ZFP1: variants seen among roughly 807,000 people sequenced by gnomAD.
The protein encoded by ZFP1 is ZFP1 zinc finger protein.
In ZFP1, 32 loss-of-function variants were observed where a neutral mutation model predicts 38.5. The ratio of observed to expected loss-of-function variants is 0.83; its 90% CI spans 0.63 to 1.12. ZFP1 has a LOEUF of 1.12. Among genes scored for constraint, ZFP1 ranks in the 50% most tolerant of loss-of-function variants. The probability of loss-of-function intolerance (pLI) is 0.00; values close to 1 mark genes in which losing one functional copy is unlikely to be tolerated. For synonymous variants in ZFP1, 245 were observed against 168.8 expected (o/e 1.45, Z -3.50); for missense variants, 616 against 480.8 (o/e 1.28, Z -2.63).
chr16:75,162,743 A>G lies in ZFP1; in HGVS notation c.16-4027A>G, dbSNP rs1386660601. Among the ~76,000 whole-genome samples the G allele has an allele frequency of 3.9e-5, 6 of 152,104 alleles. No homozygotes were observed. The East Asian group carries it at 7.7e-4, about 20-fold the overall frequency. ...AGTACCCAGAGTTTAGCTCCCACTTATAAGTGAGGATATGCGCTATTTGGA... is the reference window on the plus strand; with the variant it reads ...AGTACCCAGAGTTTAGCTCCCACTTGTAAGTGAGGATATGCGCTATTTGGA... On this transcript the variant is annotated intron_variant, in intron 2 of 3. Coordinates refer to ENST00000570010, the MANE Select transcript of ZFP1 (RefSeq NM_153688.4).
At chr16:75,135,452 A>G in the ZFP1 span, among the ~76,000 whole-genome samples, 5 of 152,150 alleles carry the variant, frequency 3.3e-5, no homozygotes, top group African/African-American at 4.8e-5. Context: ...AAAAGATAAA[A>G]CCATAGGGAC....
At chr16:75,136,870 C>CA in the ZFP1 span, among the ~76,000 whole-genome samples, 1 of 147,538 alleles carries the variant, frequency 6.8e-6, no homozygotes, top group South Asian at 2.1e-4. Flanking sequence ...GACCCTGTCT[C>CA]AAAAAAGAAA....
the ZFP1 span, among the ~76,000 whole-genome samples, chr16:75,123,817 T>C: frequency 1.3e-5 from 2 of 149,022 alleles, no homozygotes; most frequent in East Asian, 2.2e-4. Context: ...CCCAGCCAGG[T>C]GTGGTGGCTC....
the ZFP1 span, among the ~76,000 whole-genome samples, chr16:75,139,347 C>T: frequency 9.1e-6 from 1 of 110,080 alleles, no homozygotes. Context: ...CCAGCCTGGG[C>T]GATAGAGCGA....
the ZFP1 span, among the ~76,000 whole-genome samples, chr16:75,138,387 T>C: frequency 2.6e-5 from 4 of 151,930 alleles, no homozygotes; most frequent in Admixed American, 6.6e-5. Flanking sequence ...TTCCAAAGAG[T>C]ACAGAATAAA....
At chr16:75,132,355 C>T in the ZFP1 span, among the ~76,000 whole-genome samples, 1 of 145,770 alleles carries the variant, frequency 6.9e-6, no homozygotes, top group Non-Finnish European at 1.5e-5. Context: ...TGCCACTGAG[C>T]AACAGAGTGA....
upstream of ZFP1, among the ~76,000 whole-genome samples, chr16:75,147,642 G>A (rs2145481980): frequency 6.6e-6 from 1 of 152,178 alleles, no homozygotes; most frequent in South Asian, 2.1e-4. Flanking sequence ...CTGTTCTGGT[G>A]TGGGATATCA....
chr16:75,156,895 T>C (rs2037494388), intron 2 of ZFP1, among the ~76,000 whole-genome samples: 1 of 152,230 alleles, frequency 6.6e-6, no homozygotes, highest in East Asian at 1.9e-4. Context: ...GTTAAGAATC[T>C]GGGCCAGGCT....
chr16:75,130,513 A>G, the ZFP1 span, among the ~76,000 whole-genome samples: 1 of 151,212 alleles, frequency 6.6e-6, no homozygotes, highest in East Asian at 1.9e-4. Flanking sequence ...TATCTCTTAA[A>G]CTCCATCATT....
At chr16:75,146,463 G>A (rs531018408), upstream of ZFP1, among the ~76,000 whole-genome samples, 19 of 149,720 alleles carry the variant, frequency 1.3e-4, no homozygotes, top group East Asian at 3.6e-3. Flanking sequence ...CACTGCACCC[G>A]GCCGCAACCA....
intron 3 of ZFP1, among the ~76,000 whole-genome samples, chr16:75,168,326 A>G (rs1380726702): frequency 6.6e-6 from 1 of 152,160 alleles, no homozygotes; most frequent in Non-Finnish European, 1.5e-5. Flanking sequence ...CTTTATCCTT[A>G]AGATGCTGAA....
At chr16:75,158,555 A>G (rs1468633181) in intron 2 of ZFP1, among the ~76,000 whole-genome samples, 3 of 150,734 alleles carry the variant, frequency 2.0e-5, no homozygotes, top group Non-Finnish European at 4.4e-5. Flanking sequence ...TGCCTCCCAA[A>G]GGGCTGGGAT....
intron 3 of ZFP1, among the ~76,000 whole-genome samples, chr16:75,168,034 C>T (rs1428843090): frequency 3.3e-5 from 5 of 152,092 alleles, no homozygotes; most frequent in African/African-American, 4.8e-5. Context: ...ATACTCCAGC[C>T]TGGGCAACAG....
At chr16:75,122,267 T>G in the ZFP1 span, among the ~76,000 whole-genome samples, 9 of 152,194 alleles carry the variant, frequency 5.9e-5, no homozygotes, top group Non-Finnish European at 1.3e-4. Flanking sequence ...CAGTCTAAGC[T>G]AATTCCAATT....
the ZFP1 span, among the ~76,000 whole-genome samples, chr16:75,126,644 C>T: frequency 4.6e-5 from 7 of 152,208 alleles, no homozygotes; most frequent in African/African-American, 1.7e-4. Context: ...CTCAGGTGAT[C>T]CACCCACCTT....
intron 2 of ZFP1, among the ~76,000 whole-genome samples, chr16:75,155,686 C>G (rs770158309): frequency 1.3e-5 from 2 of 152,128 alleles, no homozygotes; most frequent in Non-Finnish European, 2.9e-5. Context: ...ATTATCTGTT[C>G]TTTATGACAA....
chr16:75,161,828 A>AGGCT (rs1443671988), intron 2 of ZFP1, among the ~76,000 whole-genome samples: 1 of 107,402 alleles, frequency 9.3e-6, no homozygotes, highest in Non-Finnish European at 1.8e-5. Context: ...CTTGTCATCC[A>AGGCT]GGCTGGAATG....
At chr16:75,132,146 G>C in the ZFP1 span, among the ~76,000 whole-genome samples, 5 of 152,120 alleles carry the variant, frequency 3.3e-5, no homozygotes, top group Non-Finnish European at 5.9e-5. Flanking sequence ...CCAGCGCTTT[G>C]GGAAGCCAAG....
chr16:75,133,230 G>C, the ZFP1 span, among the ~76,000 whole-genome samples: 1 of 152,092 alleles, frequency 6.6e-6, no homozygotes. Flanking sequence ...GCCCGCTTTG[G>C]CCTCCCAAAG....
Sources: allele counts gnomAD v4.1 joint callset (sites outside exome capture counted in the v4.1 genomes callset), GRCh38; gene constraint gnomAD v4.1.1; transcripts MANE v1.5; gene names NCBI Gene and HGNC (gene_info 2026-07-23, HGNC 2026-07-21).